Variants in ZFPM2 observed in about 807,000 individuals in gnomAD.
ZFPM2 encodes zinc finger protein ZFPM2.
Under a neutral mutation model 98.6 loss-of-function variants are expected in ZFPM2, and 20 were observed. The observed-to-expected ratio is 0.20, with a 90% CI of 0.14 to 0.29. The LOEUF is 0.29. ZFPM2 is among the 10% of genes least tolerant of loss of function. The pLI is 1.00. For synonymous variants in ZFPM2, 518 were observed against 502.7 expected, an observed-to-expected ratio of 1.03 and a Z score of -0.41; for missense variants, 1,310 against 1,388.6, an observed-to-expected ratio of 0.94 and a Z score of 0.90.
At chr8:105,651,254 A>G (rs1300413953) in intron 5 of ZFPM2, among the ~76,000 whole-genome samples, 2 of 151,868 alleles carry the variant, frequency 1.3e-5, no homozygotes, top group Non-Finnish European at 2.9e-5. Context: ...CTCATCTGTT[A>G]CTGCTCTTCC....
At chr8:105,695,378 A>AT (rs1165726984) in intron 5 of ZFPM2, among the ~76,000 whole-genome samples, 2,452 of 74,810 alleles carry the variant, frequency 0.033, 83 homozygotes, top group African/African-American at 0.044. Context: ...AATGGTTTGT[A>AT]TTTTTTTTTT....
At chr8:105,357,462 G>T (rs2129741743) in intron 1 of ZFPM2, among the ~76,000 whole-genome samples, 1 of 152,278 alleles carries the variant, frequency 6.6e-6, no homozygotes, top group Admixed American at 6.5e-5. Flanking sequence ...TAGCAATGTG[G>T]TAAGCAGATG....
chr8:105,596,140 T>C (rs147353424), intron 4 of ZFPM2, among the ~76,000 whole-genome samples: 83 of 152,182 alleles, frequency 5.5e-4, no homozygotes, highest in African/African-American at 1.9e-3. Context: ...GTAGTATCCA[T>C]ATCAAAATGG....
At chr8:105,702,091 A>G (rs1406586756) in intron 5 of ZFPM2, among the ~76,000 whole-genome samples, 2 of 152,230 alleles carry the variant, frequency 1.3e-5, no homozygotes, top group African/African-American at 2.4e-5. Flanking sequence ...CCATCTTACA[A>G]TGTGGTTCAT....
chr8:105,346,396 A>ATAAAT (rs1455108349), intron 1 of ZFPM2, among the ~76,000 whole-genome samples: 1 of 150,990 alleles, frequency 6.6e-6, no homozygotes, highest in Admixed American at 6.6e-5. Flanking sequence ...AAAAAAAAAA[A>ATAAAT]AAATAAATAA....
intron 1 of ZFPM2, among the ~76,000 whole-genome samples, chr8:105,395,676 T>C (rs534033303): frequency 6.6e-6 from 1 of 152,348 alleles, no homozygotes; most frequent in Non-Finnish European, 1.5e-5. Context: ...ACATAATAAA[T>C]TGACATATTT....
intron 1 of ZFPM2, among the ~76,000 whole-genome samples, chr8:105,385,194 G>C (rs1810962079): frequency 6.6e-6 from 1 of 152,162 alleles, no homozygotes; most frequent in Non-Finnish European, 1.5e-5. Context: ...CATGCCTCAT[G>C]CATATTTTGG....
At chr8:105,546,192 T>C (rs575207129) in intron 3 of ZFPM2, among the ~76,000 whole-genome samples, 1 of 152,310 alleles carries the variant, frequency 6.6e-6, no homozygotes, top group East Asian at 1.9e-4. Flanking sequence ...CTAGATTGGC[T>C]AATTGCGATT....
chr8:105,801,370 A>G lies in ZFPM2; in HGVS notation c.1288A>G (p.Lys430Glu), dbSNP rs776820340. 6.2e-7 allele frequency: 1 copy of G among 1,613,938 alleles called. No homozygotes were observed. Among genetic ancestry groups the G allele is most frequent in the South Asian group, 1.1e-5 (1 of 91,078 alleles). ...LPQSQKAMQT[K>E]DASSDTELDK... ...CCAGAGCCAAAAGGCCATGCAGACT[A>G]AAGATGCGAGCTCTGACACAGAGCT... Residue 430 changes from lysine to glutamate, a missense_variant, in exon 8 of 8, where the codon AAA becomes GAA. Physicochemically the swap from Lys to Glu is moderately conservative, Grantham distance 56. Transcript: ENST00000407775.
At chr8:105,605,800 A>G (rs941495785) in intron 4 of ZFPM2, among the ~76,000 whole-genome samples, 1 of 152,096 alleles carries the variant, frequency 6.6e-6, no homozygotes, top group African/African-American at 2.4e-5. Context: ...TTTCAAACCT[A>G]TACTAATGAC....
intron 4 of ZFPM2, among the ~76,000 whole-genome samples, chr8:105,569,706 G>C (rs1162007090): frequency 1.3e-5 from 2 of 152,140 alleles, no homozygotes; most frequent in African/African-American, 2.4e-5. Context: ...AACAGACTCA[G>C]TTTTAGATCC....
At chr8:105,576,149 A>G (rs146210522) in intron 4 of ZFPM2, among the ~76,000 whole-genome samples, 1,543 of 152,354 alleles carry the variant, frequency 0.01, 13 homozygotes, top group Middle Eastern at 0.024. Context: ...AAATAGAACC[A>G]CTATCTTACA....
chr8:105,547,733 A>G (rs1027991247), intron 3 of ZFPM2, among the ~76,000 whole-genome samples: 1 of 152,206 alleles, frequency 6.6e-6, no homozygotes, highest in Admixed American at 6.5e-5. Context: ...ATGTTTTGAC[A>G]GATATACATA....
chr8:105,678,602 A>G (rs1810524786), intron 5 of ZFPM2: 1 of 152,170 alleles, frequency 6.6e-6, no homozygotes, highest in African/African-American at 2.4e-5. Context: ...TTGTCAGATA[A>G]GCTGCTGTGT....
chr8:105,579,366 A>T (rs929869738), intron 4 of ZFPM2, among the ~76,000 whole-genome samples: 8 of 152,206 alleles, frequency 5.3e-5, no homozygotes, highest in Non-Finnish European at 1.0e-4. Flanking sequence ...GAGTCTGTTC[A>T]GATCTCCAAA....
intron 1 of ZFPM2, chr8:105,319,843 C>A (rs1484874074): frequency 1.3e-5 from 2 of 152,174 alleles, no homozygotes; most frequent in Non-Finnish European, 2.9e-5. Context: ...GAGGACACGG[C>A]GGGTCAAGAG....
chr8:105,649,366 T>A (rs1817121351), intron 5 of ZFPM2, among the ~76,000 whole-genome samples: 1 of 152,174 alleles, frequency 6.6e-6, no homozygotes, highest in Non-Finnish European at 1.5e-5. Flanking sequence ...TTGAATACCC[T>A]TTATTTCTTT....
At chr8:105,366,186 T>G (rs1293011347) in intron 1 of ZFPM2, among the ~76,000 whole-genome samples, 1 of 152,166 alleles carries the variant, frequency 6.6e-6, no homozygotes, top group African/African-American at 2.4e-5. Flanking sequence ...GTCAGTTGCT[T>G]CTTCATTGTG....
At chr8:105,691,244 T>C (rs1234010111) in intron 5 of ZFPM2, among the ~76,000 whole-genome samples, 2 of 99,220 alleles carry the variant, frequency 2.0e-5, no homozygotes, top group African/African-American at 4.9e-5. Flanking sequence ...TTTTTTTTTT[T>C]TTTTTTTTTT....
Sources: allele counts gnomAD v4.1 joint callset (sites outside exome capture counted in the v4.1 genomes callset), GRCh38; gene constraint gnomAD v4.1.1; transcripts MANE v1.5; gene names NCBI Gene and HGNC (gene_info 2026-07-23, HGNC 2026-07-21).